Variants in KIRREL3 observed in about 807,000 individuals in gnomAD.
KIRREL3 encodes kirre like nephrin family adhesion molecule 3.
Under a neutral mutation model 89.7 loss-of-function variants are expected in KIRREL3, and 36 were observed. The observed-to-expected ratio is 0.40, with a 90% CI of 0.31 to 0.53. The LOEUF is 0.53. Ranked by LOEUF, KIRREL3 falls within the 20% of genes least tolerant of loss-of-function variation. The pLI, the probability that KIRREL3 is intolerant of heterozygous loss-of-function variation, is 0.49. For missense variants in KIRREL3, 864 were observed against 1,056.6 expected (o/e 0.82, Z 2.53); for synonymous variants, 445 against 441.4 (o/e 1.01, Z -0.10).
intron 1 of KIRREL3, among the ~76,000 whole-genome samples, chr11:126,567,589 C>T (rs1390472513): frequency 6.6e-6 from 1 of 152,220 alleles, no homozygotes; most frequent in East Asian, 1.9e-4. Flanking sequence ...CCCCAGAGCA[C>T]AAAGCTGCCT....
intron 1 of KIRREL3, among the ~76,000 whole-genome samples, chr11:126,884,584 GTCTCACC>G (rs1945631194): frequency 6.6e-6 from 1 of 152,202 alleles, no homozygotes; most frequent in South Asian, 2.1e-4. Flanking sequence ...GGGAGGCAAG[GTCTCACC>G]TCTCTAAAGT....
chr11:126,507,121 G>A (rs920430775), intron 4 of KIRREL3, among the ~76,000 whole-genome samples: 1 of 152,110 alleles, frequency 6.6e-6, no homozygotes, highest in African/African-American at 2.4e-5. Context: ...GACACACAAG[G>A]CCACATATGA....
intron 1 of KIRREL3, among the ~76,000 whole-genome samples, chr11:126,799,802 T>C (rs1419291397): frequency 2.6e-5 from 4 of 152,148 alleles, no homozygotes; most frequent in Non-Finnish European, 5.9e-5. Context: ...GAGTGATTTC[T>C]TATGGAGACA....
chr11:126,652,570 T>C lies in KIRREL3; in HGVS notation c.56-89658A>G, dbSNP rs1944948349. On this transcript the variant is annotated intron_variant, in intron 1 of 16. Coordinates refer to ENST00000525144, the MANE Select transcript of KIRREL3 (RefSeq NM_032531.4). This position sits in a 1 kb window ranked among gnomAD's most constrained non-coding sequence, Gnocchi z 4.9. ...GAGGTCAGGCCATTTGCCAAAGTCCTCCACTCAATCTATAGGTAGCGGGGC... is the reference window on the plus strand; with the variant it reads ...GAGGTCAGGCCATTTGCCAAAGTCCCCCACTCAATCTATAGGTAGCGGGGC... Among the ~76,000 whole-genome samples, 1 of 152,172 alleles carries C rather than the reference T, an allele frequency of 6.6e-6. No homozygotes were observed. The highest frequency in any genetic ancestry group is 1.5e-5 in the Non-Finnish European group (1 of 68,026).
At chr11:126,458,165 C>T (rs1565471630) in intron 6 of KIRREL3, among the ~76,000 whole-genome samples, 1 of 152,216 alleles carries the variant, frequency 6.6e-6, no homozygotes, top group Non-Finnish European at 1.5e-5. Flanking sequence ...GGGCCCTGGG[C>T]TGCATCTTCT....
intron 1 of KIRREL3, among the ~76,000 whole-genome samples, chr11:126,799,162 ATGTG>A (rs1329764111): frequency 9.8e-5 from 5 of 50,956 alleles, no homozygotes; most frequent in Non-Finnish European, 1.5e-4. Context: ...GCGTATCTGT[ATGTG>A]TGTGTATGTG....
rs764438437 is a variant in KIRREL3, at chr11:126,867,236, C to T, written c.55+133219G>A. On this transcript the variant is annotated intron_variant, in intron 1 of 16. Coordinates refer to ENST00000525144, the MANE Select transcript of KIRREL3 (RefSeq NM_032531.4). This position sits in a 1 kb window ranked among gnomAD's most constrained non-coding sequence, Gnocchi z 4.7. ...TGCAGCGAGCCACACTCCTATCACA[C>T]AGCCTGCCATGGGGATAAAGGAAAT... Among the ~76,000 whole-genome samples, 5 of 152,260 alleles carry T rather than the reference C, an allele frequency of 3.3e-5. No homozygotes were observed. The highest frequency in any genetic ancestry group is 6.5e-5 in the Admixed American group (1 of 15,294).
At chr11:126,500,510 C>T (rs1214897334) in intron 4 of KIRREL3, among the ~76,000 whole-genome samples, 4 of 152,094 alleles carry the variant, frequency 2.6e-5, no homozygotes, top group Admixed American at 1.3e-4. Flanking sequence ...GAGGCCGAGG[C>T]GAGTGGATCA....
intron 11 of KIRREL3, among the ~76,000 whole-genome samples, chr11:126,439,395 A>G (rs369227882): frequency 6.6e-6 from 1 of 151,656 alleles, no homozygotes; most frequent in African/African-American, 2.4e-5. Context: ...TTGTAGAGAC[A>G]GGGTCTCACT....
At chr11:126,517,136 A>AGAGAGAGAGAGAGAG (rs1958437220) in intron 4 of KIRREL3, among the ~76,000 whole-genome samples, 1 of 140,812 alleles carries the variant, frequency 7.1e-6, no homozygotes, top group Non-Finnish European at 1.5e-5. Context: ...GAGAGAGAGA[A>AGAGAGAGAGAGAGAG]AGAGAGAGAG....
chr11:126,700,302 A>G (rs1947265434), intron 1 of KIRREL3, among the ~76,000 whole-genome samples: 1 of 152,174 alleles, frequency 6.6e-6, no homozygotes, highest in African/African-American at 2.4e-5. Context: ...AAGTATATGT[A>G]CACACACATT....
Position 126,520,438 on chromosome 11 carries a change from C to T in KIRREL3, c.433+877G>A, listed in dbSNP as rs543603440. Among the ~76,000 whole-genome samples, 71 of 152,300 alleles carry T rather than the reference C, an allele frequency of 4.7e-4. 1 individual carries two copies. Among genetic ancestry groups the T allele is most frequent in the African/African-American group, 1.6e-3 (65 of 41,570 alleles). On this transcript the variant is annotated intron_variant, in intron 4 of 16. Coordinates refer to ENST00000525144, the MANE Select transcript of KIRREL3 (RefSeq NM_032531.4). This position sits in a 1 kb window ranked among gnomAD's most constrained non-coding sequence, Gnocchi z 4.9. ...AGTATCTCATCTGGGGTAACAGTCC[C>T]TGTCCCACCGAGCAGCGTCAGGAAC...
intron 1 of KIRREL3, among the ~76,000 whole-genome samples, chr11:126,886,303 A>T (rs1406332611): frequency 1.3e-5 from 2 of 152,192 alleles, no homozygotes; most frequent in African/African-American, 4.8e-5. Flanking sequence ...CAGCAGCCCC[A>T]CACTGCCTCT....
chr11:126,866,657 A>C (rs10790848), intron 1 of KIRREL3, among the ~76,000 whole-genome samples: 123,113 of 151,226 alleles, frequency 0.81, 50,307 homozygotes, highest in East Asian at 0.99. Flanking sequence ...CTGCCCCCCC[A>C]CACACACTGA....
rs553781714 is a variant in KIRREL3, at chr11:126,684,800, G to C, written c.56-121888C>G. ...ACACCTCTAAAGAAAGGAAAGGTGC[G>C]GCAGGTTGCGTGTGCGGGAGGGGAG... On this transcript the variant is annotated intron_variant, in intron 1 of 16. Coordinates refer to ENST00000525144, the MANE Select transcript of KIRREL3 (RefSeq NM_032531.4). The surrounding 1 kb of genome is among the most constrained non-coding windows in gnomAD (Gnocchi z 4.2). 7.2e-4 allele frequency among the ~76,000 whole-genome samples: 110 copies of C among 152,258 alleles called. No individual in the cohort carries two copies. The highest frequency in any genetic ancestry group is 2.4e-3 in the African/African-American group (98 of 41,540).
At chr11:126,775,585 C>T (rs1383364516) in intron 1 of KIRREL3, among the ~76,000 whole-genome samples, 1 of 152,150 alleles carries the variant, frequency 6.6e-6, no homozygotes, top group Admixed American at 6.5e-5. Context: ...TCAGGGCCTG[C>T]CTGACTCACT....
intron 5 of KIRREL3, among the ~76,000 whole-genome samples, chr11:126,472,723 A>AGAGAGG (rs1196261455): frequency 6.6e-6 from 1 of 152,000 alleles, no homozygotes; most frequent in Non-Finnish European, 1.5e-5. Context: ...AGAGAGAGAG[A>AGAGAGG]GAGAGAGAGC....
In KIRREL3 at chr11:126,773,376, G is replaced by A. The variant is rs1950077502; in HGVS notation, c.56-210464C>T. 6.6e-6 allele frequency among the ~76,000 whole-genome samples: 1 copy of A among 152,192 alleles called. No homozygotes were observed. ...AGCAAGAAGGAACTCTCCAGCAGAC[G>A]ACCTCTTGACTTGAATTGCAATGTG... On this transcript the variant is annotated intron_variant, in intron 1 of 16. Transcript: ENST00000525144. The surrounding 1 kb of genome is among the most constrained non-coding windows in gnomAD (Gnocchi z 4.2).
rs1946510537 is a variant in KIRREL3, at chr11:126,904,826, A to G, written c.55+95629T>C. Among the ~76,000 whole-genome samples, 1 of 152,216 alleles carries G rather than the reference A, an allele frequency of 6.6e-6. No homozygotes were observed. The highest frequency in any genetic ancestry group is 6.5e-5 in the Admixed American group (1 of 15,280). ...TCTGTAAGCATCAATGCTATTCCTCAGAGACATTAAGATCCCAGAGAAGAG... is the reference window on the plus strand; with the variant it reads ...TCTGTAAGCATCAATGCTATTCCTCGGAGACATTAAGATCCCAGAGAAGAG... On this transcript the variant is annotated intron_variant, in intron 1 of 16. Coordinates refer to ENST00000525144, the MANE Select transcript of KIRREL3 (RefSeq NM_032531.4). The surrounding 1 kb of genome is among the most constrained non-coding windows in gnomAD (Gnocchi z 4.4).
Sources: allele counts gnomAD v4.1 joint callset (sites outside exome capture counted in the v4.1 genomes callset), GRCh38; gene constraint gnomAD v4.1.1; non-coding constraint Gnocchi (gnomAD v3.1); transcripts MANE v1.5; gene names NCBI Gene and HGNC (gene_info 2026-07-23, HGNC 2026-07-21).